SMG1: variants seen among roughly 807,000 people sequenced by gnomAD.
SMG1 encodes serine/threonine-protein kinase SMG1.
SMG1 carries 22 observed loss-of-function variants against 419.9 expected under a neutral mutation model. The observed-to-expected ratio is 0.05, with a 90% confidence interval of 0.04 to 0.07. The LOEUF (loss-of-function observed/expected upper bound fraction) is 0.07. SMG1 is among the 10% of genes least tolerant of loss of function. SMG1 has a pLI of 1.00. For synonymous variants in SMG1, 1,538 were observed against 1,553.5 expected (o/e 0.99, Z 0.23); for missense variants, 3,185 against 4,342.0 (o/e 0.73, Z 7.49).
intron 51 of SMG1, among the ~76,000 whole-genome samples, 163 bp downstream of exon 51, chr16:18,832,777 T>C (rs982078004): frequency 3.9e-5 from 6 of 152,066 alleles, no homozygotes; most frequent in Non-Finnish European, 8.8e-5. Flanking sequence ...TGTATAATTA[T>C]TTCAAAATAA....
At chr16:18,923,872 TTAAC>T in intron 1 of SMG1, among the ~76,000 whole-genome samples, 1 of 152,020 alleles carries the variant, frequency 6.6e-6, no homozygotes, top group Non-Finnish European at 1.5e-5. Context: ...CACCTCAAAT[TTAAC>T]TAATAAAAAT....
intron 62 of SMG1, 105 bp from the exon 63 acceptor site, chr16:18,809,751 C>A (rs975656277): frequency 1.3e-6 from 1 of 791,794 alleles, no homozygotes. Context: ...GTGCAAAGGA[C>A]TCTATACTTA....
In SMG1 at chr16:18,847,596, G is replaced by A. The variant is rs377079321; in HGVS notation, c.5853C>T (p.Leu1951=). 231 of 1,613,862 alleles carry A rather than the reference G, an allele frequency of 1.4e-4. No homozygotes were observed. Among genetic ancestry groups the A allele is most frequent in the Non-Finnish European group, 1.8e-4 (208 of 1,179,900 alleles). Residue 1951 remains leucine (L), a synonymous_variant, in exon 38 of 63, where the codon CTC becomes CTT. Transcript: ENST00000446231. ...NPTMVLQVQM[L]VAELRRVTVL... is the part of the protein sequence containing the mutation. ...CAGTGACCCTGCGCAGTTCAGCCAC[G>A]AGCATCTGAACCTGCATACACAGCA...
intron 30 of SMG1, 91 bp from the exon 31 acceptor site, chr16:18,853,958 G>A (rs2034748027): frequency 1.7e-6 from 2 of 1,167,886 alleles, no homozygotes; most frequent in East Asian, 5.1e-5. Flanking sequence ...TCAACATGGT[G>A]ATGACACCAC....
rs2035376469 is a variant in SMG1, at chr16:18,864,253, T to TG, written c.3351-110dup. The TG allele has an allele frequency of 1.9e-5, 18 of 964,440 alleles. No homozygotes were observed. The South Asian group carries it at 3.2e-4, about 17-fold the overall frequency. The allele number at this position is 964,440 out of a possible 1,614,324, so 59.7% of individuals were successfully genotyped here. ...TCTTCTTGCCCAGGCTGGAGTGCAA[T>TG]GGCACTGTCTCAGCTCAATGCAACC... is the stretch of plus-strand genomic sequence containing the variant. On this transcript the variant is annotated intron_variant, in intron 23 of 62. Coordinates refer to ENST00000446231, the MANE Select transcript of SMG1 (RefSeq NM_015092.5).
chr16:18,897,163 G>C lies in SMG1; in HGVS notation c.93-207C>G, dbSNP rs143240984. 5.6e-3 allele frequency among the ~76,000 whole-genome samples: 848 copies of C among 152,252 alleles called. 7 individuals carry two copies. Among genetic ancestry groups the C allele is most frequent in the African/African-American group, 0.019 (799 of 41,534 alleles). ...CAATGGATGAAATGCCAACTTTTCA[G>C]TCTCTTCTATTGTTCTAAAGACCCA... On this transcript the variant is annotated intron_variant, in intron 1 of 62. Coordinates refer to ENST00000446231, the MANE Select transcript of SMG1 (RefSeq NM_015092.5).
At chr16:18,819,791 A>C (rs2032350581) in intron 55 of SMG1, 137 bp from the exon 56 acceptor site, 1 of 868,980 alleles carries the variant, frequency 1.2e-6, no homozygotes, top group Non-Finnish European at 1.6e-6. Context: ...AAGTTTTAAC[A>C]ATCACCTTTT....
Position 18,837,244 on chromosome 16 carries a change from G to T in SMG1, c.7604+9C>A. 6.2e-7 allele frequency: 1 copy of T among 1,608,200 alleles called. No individual in the cohort carries two copies. The highest frequency in any genetic ancestry group is 8.5e-7 in the Non-Finnish European group (1 of 1,177,050). The stretch of plus-strand genomic sequence containing the variant: ...CACATATTTAGAAGAATTCAACACT[G>T]TTTTAAACCTGTGTTGCAGAGTATG... On this transcript the variant is annotated intron_variant, in intron 46 of 62. Coordinates refer to ENST00000446231, the MANE Select transcript of SMG1 (RefSeq NM_015092.5).
At chr16:18,858,685 AC>A (rs1431381934) in intron 28 of SMG1, 1 of 224,054 alleles carries the variant, frequency 4.5e-6, no homozygotes. Flanking sequence ...GTTGAACTTT[AC>A]CCCATTTAGG....
intron 11 of SMG1, chr16:18,879,190 T>A: frequency 7.5e-6 from 3 of 400,236 alleles, no homozygotes; most frequent in Non-Finnish European, 1.4e-5. Flanking sequence ...ATCAGAGCTC[T>A]CTTCAACCTC....
intron 41 of SMG1, among the ~76,000 whole-genome samples, 189 bp downstream of exon 41, chr16:18,841,376 C>G (rs180789419): frequency 1.5e-5 from 2 of 132,206 alleles, no homozygotes; most frequent in African/African-American, 6.0e-5. Flanking sequence ...CCAGCATGGG[C>G]GACAGAGCAA....
rs1271374548 is a variant in SMG1, at chr16:18,815,640, A to G, written c.10314T>C (p.Ala3438=). Residue 3438 remains alanine, a synonymous_variant, in exon 59 of 63, where the codon GCT becomes GCC. Transcript: ENST00000446231. ...GAACATCTTCACCATCTGCCAGAGC[A>G]GCTTCTTCATCCTAGAATTGATAAA... ...LLKAMAKDEE[A]ALADGEDVPY... 4.3e-6 allele frequency: 7 copies of G among 1,613,526 alleles called. No individual in the cohort carries two copies. In the African/African-American group the frequency reaches 8.0e-5, roughly 18 times the overall value.
intron 25 of SMG1, among the ~76,000 whole-genome samples, chr16:18,862,124 C>T (rs531651664): frequency 6.6e-6 from 1 of 152,250 alleles, no homozygotes; most frequent in Admixed American, 6.5e-5. Flanking sequence ...AATGTCTCTA[C>T]CACTCAATAG....
chr16:18,852,018 T>C (rs1428036289), intron 33 of SMG1, 49 bp downstream of exon 33: 7 of 1,538,306 alleles, frequency 4.6e-6, no homozygotes, highest in Non-Finnish European at 6.1e-6. Context: ...TTTCTCAAAA[T>C]CAATGATTTG....
intron 60 of SMG1, among the ~76,000 whole-genome samples, chr16:18,813,074 G>A (rs1290236156): frequency 1.3e-5 from 2 of 151,992 alleles, no homozygotes; most frequent in African/African-American, 2.4e-5. Context: ...TATCATTGTT[G>A]GACATTTGGG....
Position 18,852,739 on chromosome 16 carries a change from G to T in SMG1, c.4769-277C>A, listed in dbSNP as rs574922278. ...TTCATGACACTGAACATTGTAAACA[G>T]TCAGGTGTCAGCTGTGCTGTAGAAT... On this transcript the variant is annotated intron_variant, in intron 31 of 62. Transcript: ENST00000446231. Among the ~76,000 whole-genome samples, 79 of 152,310 alleles carry T rather than the reference G, an allele frequency of 5.2e-4. 1 individual carries two copies. The highest frequency in any genetic ancestry group is 1.8e-3 in the African/African-American group (74 of 41,570).
intron 1 of SMG1, among the ~76,000 whole-genome samples, chr16:18,904,483 A>C (rs2037479415): frequency 6.6e-6 from 1 of 151,352 alleles, no homozygotes; most frequent in African/African-American, 2.4e-5. Context: ...AATAGAAAAA[A>C]TAAAATTACC....
rs189575758 is a variant in SMG1 at position 18,866,485 on chromosome 16, G to C, written c.3350+136C>G. 8.4e-5 allele frequency: 66 copies of C among 788,362 alleles called. No individual in the cohort carries two copies. In the African/African-American group the frequency reaches 1.1e-3, roughly 13 times the overall value. 48.8% of individuals were successfully genotyped at this position (788,362 alleles called of 1,614,324 possible). On this transcript the variant is annotated intron_variant, in intron 23 of 62. Transcript: ENST00000446231. ...AAGAACAAACTGAAGACGCCTCCTGGTGAAGTGATTTATAGCAAGCTTCAA... is the reference window on the plus strand; with the variant it reads ...AAGAACAAACTGAAGACGCCTCCTGCTGAAGTGATTTATAGCAAGCTTCAA...
chr16:18,923,331 C>A (rs2038268824), intron 1 of SMG1, among the ~76,000 whole-genome samples: 1 of 152,140 alleles, frequency 6.6e-6, no homozygotes, highest in Non-Finnish European at 1.5e-5. Flanking sequence ...TAAAAGAAAT[C>A]AACAAGTGTT....
Sources: allele counts gnomAD v4.1 joint callset (sites outside exome capture counted in the v4.1 genomes callset), GRCh38; gene constraint gnomAD v4.1.1; transcripts MANE v1.5; gene names NCBI Gene and HGNC (gene_info 2026-07-23, HGNC 2026-07-21).